Variants in PRRC2B observed in about 807,000 individuals in gnomAD.
The protein encoded by PRRC2B is proline rich coiled-coil 2B, also known as protein PRRC2B.
PRRC2B carries 68 observed loss-of-function variants against 242.3 expected under a neutral mutation model. The observed-to-expected ratio is 0.28, with a 90% confidence interval of 0.23 to 0.34. PRRC2B has a LOEUF of 0.34. PRRC2B is among the 10% of genes least tolerant of loss of function. The pLI is 1.00. For missense variants in PRRC2B, 2,835 were observed against 2,954.8 expected, an observed-to-expected ratio of 0.96 and a Z score of 0.94; for synonymous variants, 1,228 against 1,173.6, an observed-to-expected ratio of 1.05 and a Z score of -0.95.
intron 5 of PRRC2B, among the ~76,000 whole-genome samples, chr9:131,439,881 G>A (rs1402262189): frequency 1.4e-5 from 2 of 146,310 alleles, no homozygotes; most frequent in African/African-American, 5.1e-5. Context: ...CTACAGGTGT[G>A]TACCACGACA....
rs765136353 is a variant in PRRC2B at position 131,475,792 on chromosome 9, C to G, written c.3663C>G (p.Ser1221=). ...NCGYGRRTFV[S]KESPHWQSKS... Reference sequence around the variant, plus strand: ...GGTATGGACGGAGAACCTTCGTCTCCAAAGAGTCACCCCACTGGCAGAGCA... The same window carrying G: ...GGTATGGACGGAGAACCTTCGTCTCGAAAGAGTCACCCCACTGGCAGAGCA... Residue 1221 remains serine, a synonymous_variant, in exon 16 of 32, where the codon TCC becomes TCG. Transcript: ENST00000683519. 1 of 1,613,236 alleles carries G rather than the reference C, an allele frequency of 6.2e-7. No homozygotes were observed. The highest frequency in any genetic ancestry group is 2.2e-5 in the East Asian group (1 of 44,840).
At chr9:131,442,393 G>T (rs1165112875) in intron 5 of PRRC2B, among the ~76,000 whole-genome samples, 29 of 152,110 alleles carry the variant, frequency 1.9e-4, no homozygotes, top group Admixed American at 1.9e-3. Flanking sequence ...ATTCTTGCCA[G>T]TGACCTTCTA....
rs1033688753 is a variant in PRRC2B at position 131,496,628 on chromosome 9, G to C, written c.*754G>C. The C allele has an allele frequency of 1.3e-5, 1 of 75,588 alleles. No homozygotes were observed. Among genetic ancestry groups the C allele is most frequent in the East Asian group, 2.4e-4 (1 of 4,146 alleles). 4.7% of individuals were successfully genotyped at this position (75,588 alleles called of 1,614,324 possible). A position where few individuals can be genotyped will look rare whatever the true frequency, so the allele number is the denominator to read the frequency against. ...TCAGAGCAGCAGGCAGGTTGGGGGA[G>C]GGGGGGGGTCATAGTTGGGTTCCAG... On this transcript the variant is annotated 3_prime_UTR_variant, in exon 32 of 32. Coordinates refer to ENST00000683519, the MANE Select transcript of PRRC2B (RefSeq NM_013318.4).
chr9:131,397,226 G>C (rs1837085689), intron 1 of PRRC2B, among the ~76,000 whole-genome samples: 2 of 152,204 alleles, frequency 1.3e-5, no homozygotes, highest in Admixed American at 6.5e-5. Flanking sequence ...TGTGAATTTT[G>C]GTTATCTGTG....
chr9:131,487,028 C>T lies in PRRC2B; in HGVS notation c.5857-139C>T. 1 of 727,808 alleles carries T rather than the reference C, an allele frequency of 1.4e-6. No homozygotes were observed. 45.1% of individuals were successfully genotyped at this position (727,808 alleles called of 1,614,324 possible). ...GGCTTTATCCCAATAGCAAGGGAAG[C>T]CCAGGAATGACATGCTGGCATTTGA... is the stretch of plus-strand genomic sequence containing the variant. On this transcript the variant is annotated intron_variant, in intron 26 of 31. Transcript: ENST00000683519. The surrounding 1 kb of genome is among the most constrained non-coding windows in gnomAD (Gnocchi z 5.3).
intron 26 of PRRC2B, among the ~76,000 whole-genome samples, chr9:131,486,869 A>G (rs1944038658): frequency 2.0e-5 from 3 of 152,156 alleles, no homozygotes; most frequent in African/African-American, 7.2e-5. Flanking sequence ...CTTTTTGTGC[A>G]TTGTTAAATT....
At chr9:131,427,821 T>C (rs1378221291) in intron 1 of PRRC2B, among the ~76,000 whole-genome samples, 3 of 152,260 alleles carry the variant, frequency 2.0e-5, no homozygotes, top group Non-Finnish European at 2.9e-5. Context: ...GTTGCCATTA[T>C]GTCATTGAGG....
At position 131,470,868 on chromosome 9, in the gene PRRC2B, C is replaced by T. The variant is rs370143692; in HGVS notation, c.1992C>T (p.His664=). The change falls in exon 14 of 32, where the codon CAC becomes CAT. Residue 664 remains histidine, a synonymous_variant. Coordinates refer to ENST00000683519, the MANE Select transcript of PRRC2B (RefSeq NM_013318.4). ...CCCAGCGCACCTTTTACCCACACCACCCCCAGATGTTGGGCTTCGATCCCA... is the reference window on the plus strand; with the variant it reads ...CCCAGCGCACCTTTTACCCACACCATCCCCAGATGTTGGGCTTCGATCCCA... The part of the protein sequence containing the change: ...SHPQRTFYPH[H]PQMLGFDPRW... 6.2e-7 allele frequency: 1 copy of T among 1,605,850 alleles called. No individual in the cohort carries two copies. Among genetic ancestry groups the T allele is most frequent in the Non-Finnish European group, 8.5e-7 (1 of 1,174,042 alleles).
intron 5 of PRRC2B, among the ~76,000 whole-genome samples, chr9:131,439,381 G>T (rs1297359464): frequency 6.6e-6 from 1 of 152,174 alleles, no homozygotes; most frequent in Non-Finnish European, 1.5e-5. Flanking sequence ...GCTCTGAGTG[G>T]GAAGGAGAGT....
At chr9:131,452,406 CTG>C (rs1379960360) in intron 9 of PRRC2B, among the ~76,000 whole-genome samples, 1 of 152,138 alleles carries the variant, frequency 6.6e-6, no homozygotes, top group African/African-American at 2.4e-5. Flanking sequence ...AGTTATGAGA[CTG>C]TGCAGTTTCC....
Position 131,470,829 on chromosome 9 carries a change from C to T in PRRC2B, c.1953C>T (p.Pro651=), listed in dbSNP as rs750809244. ...TGCAGCACTGGCAGCCGGTGTACCC[C>T]CCGCCGTCCCACCCCCAGCGCACCT... is the stretch of plus-strand genomic sequence containing the variant. ...YKMQHWQPVY[P]PPSHPQRTFY... Residue 651 remains proline (P), a synonymous_variant, in exon 14 of 32, where the codon CCC becomes CCT. Transcript: ENST00000683519. 9 of 1,612,408 alleles carry T rather than the reference C, an allele frequency of 5.6e-6. No individual in the cohort carries two copies. The East Asian group carries it at 1.6e-4, about 28-fold the overall frequency.
intron 3 of PRRC2B, among the ~76,000 whole-genome samples, chr9:131,435,953 A>T (rs1838353660): frequency 6.6e-6 from 1 of 152,170 alleles, no homozygotes; most frequent in Admixed American, 6.5e-5. Context: ...TGAGATCATG[A>T]TGTTCTGTGT....
chr9:131,397,562 G>A (rs1837097890), intron 1 of PRRC2B, among the ~76,000 whole-genome samples: 1 of 65,040 alleles, frequency 1.5e-5, no homozygotes, highest in African/African-American at 6.8e-5. Flanking sequence ...TACTTTTGAG[G>A]GTTTTTTTTT....
In PRRC2B at chr9:131,436,614, G is replaced by A; in HGVS notation, c.294-6G>A. ...TGCCTGACCCCACTGCCCTGCCTTT[G>A]TCTAGTTCCAGTGCGACGGCCTCTC... On this transcript the variant is annotated splice_region_variant and splice_polypyrimidine_tract_variant and intron_variant, in intron 3 of 31. Transcript: ENST00000683519. 6.2e-7 allele frequency: 1 copy of A among 1,612,276 alleles called. No homozygotes were observed. The highest frequency in any genetic ancestry group is 8.5e-7 in the Non-Finnish European group (1 of 1,178,932).
chr9:131,455,037 A>T, intron 9 of PRRC2B, 39 bp from the exon 10 acceptor site: 1 of 1,538,884 alleles, frequency 6.5e-7, no homozygotes, highest in Non-Finnish European at 8.9e-7. Context: ...TGACTTTTTC[A>T]TTCTTTCTCA....
intron 18 of PRRC2B, 30 bp downstream of exon 18, chr9:131,478,649 G>GGGGGGGGGCCCCCGGGGC: frequency 5.9e-6 from 3 of 504,556 alleles, no homozygotes; most frequent in Non-Finnish European, 8.0e-6. Flanking sequence ...GGGGCATGGG[G>GGGGGGGGGCCCCCGGGGC]CTGGAGGGCA....
At chr9:131,422,153 C>T (rs916774914) in intron 1 of PRRC2B, among the ~76,000 whole-genome samples, 3 of 152,138 alleles carry the variant, frequency 2.0e-5, no homozygotes, top group African/African-American at 7.2e-5. Flanking sequence ...CTCCCGGGTT[C>T]AAGCGATTCT....
chr9:131,417,200 C>G (rs1235965211), intron 1 of PRRC2B, among the ~76,000 whole-genome samples: 1 of 152,098 alleles, frequency 6.6e-6, no homozygotes, highest in African/African-American at 2.4e-5. Context: ...TTGTCTTTGC[C>G]TGAGGAGTGG....
intron 28 of PRRC2B, chr9:131,490,347 C>CT: frequency 2.1e-6 from 1 of 476,380 alleles, no homozygotes; most frequent in Non-Finnish European, 4.2e-6. Context: ...GTAGGGACTC[C>CT]TACCTGGCCT....
Sources: allele counts gnomAD v4.1 joint callset (sites outside exome capture counted in the v4.1 genomes callset), GRCh38; gene constraint gnomAD v4.1.1; non-coding constraint Gnocchi (gnomAD v3.1); transcripts MANE v1.5; gene names NCBI Gene and HGNC (gene_info 2026-07-23, HGNC 2026-07-21).